Variants in TMEM272 observed in about 807,000 individuals in gnomAD.
The protein encoded by TMEM272 is transmembrane protein 272.
TMEM272 carries 8 observed loss-of-function variants against 3.7 expected under a neutral mutation model. The ratio of observed to expected loss-of-function variants is 2.17; its 90% confidence interval spans 1.27 to 3.91. TMEM272 has a LOEUF of 3.91. TMEM272 is among the 30% of genes most tolerant of loss of function. The probability of loss-of-function intolerance (pLI) is 0.00; values close to 1 mark genes in which losing one functional copy is unlikely to be tolerated. For synonymous variants in TMEM272, 63 were observed against 39.8 expected (o/e 1.58, Z -2.20); for missense variants, 166 against 91.5 (o/e 1.81, Z -3.32).
intron 2 of TMEM272, among the ~76,000 whole-genome samples, chr13:51,829,651 GA>G (rs1480887972): frequency 6.6e-6 from 1 of 152,194 alleles, no homozygotes; most frequent in Non-Finnish European, 1.5e-5. Context: ...TCGGCATCCT[GA>G]AAAATCCTTC....
At chr13:51,893,718 C>A in the TMEM272 span, among the ~76,000 whole-genome samples, 1 of 152,098 alleles carries the variant, frequency 6.6e-6, no homozygotes, top group South Asian at 2.1e-4. Context: ...GGAGGCCACA[C>A]AGTTGCTTCT....
At chr13:51,917,959 T>C in the TMEM272 span, among the ~76,000 whole-genome samples, 2 of 152,208 alleles carry the variant, frequency 1.3e-5, no homozygotes, top group Admixed American at 1.3e-4. Context: ...TTCATCCCAG[T>C]GTCCTCTCAT....
At chr13:51,931,746 G>C in the TMEM272 span, among the ~76,000 whole-genome samples, 3 of 152,116 alleles carry the variant, frequency 2.0e-5, no homozygotes, top group South Asian at 4.2e-4. Context: ...TGAAATTTCT[G>C]TACCCAGGCA....
chr13:51,898,764 T>A, the TMEM272 span, among the ~76,000 whole-genome samples: 1 of 151,840 alleles, frequency 6.6e-6, no homozygotes, highest in Admixed American at 6.6e-5. Flanking sequence ...TTGGGTCCTT[T>A]AAATGTGTTC....
At chr13:51,893,716 C>A in the TMEM272 span, among the ~76,000 whole-genome samples, 1 of 152,070 alleles carries the variant, frequency 6.6e-6, no homozygotes, top group African/African-American at 2.4e-5. Context: ...GAGGAGGCCA[C>A]ACAGTTGCTT....
chr13:51,901,555 C>T, the TMEM272 span, among the ~76,000 whole-genome samples: 1 of 151,700 alleles, frequency 6.6e-6, no homozygotes, highest in East Asian at 1.9e-4. Flanking sequence ...CACAGAAATA[C>T]ATCAGTTGAC....
the TMEM272 span, among the ~76,000 whole-genome samples, chr13:51,878,720 T>C: frequency 2.6e-5 from 4 of 152,136 alleles, no homozygotes; most frequent in Admixed American, 2.6e-4. Context: ...GCCAGAGAGA[T>C]TTTTCTACAC....
At chr13:51,899,489 A>G in the TMEM272 span, among the ~76,000 whole-genome samples, 4 of 152,248 alleles carry the variant, frequency 2.6e-5, no homozygotes, top group African/African-American at 9.6e-5. Flanking sequence ...GATATCATGA[A>G]AGAAATTAAA....
intron 2 of TMEM272, among the ~76,000 whole-genome samples, chr13:51,827,578 CAG>C (rs138685614): frequency 0.012 from 1,834 of 152,286 alleles, 45 homozygotes; most frequent in African/African-American, 0.042. Flanking sequence ...TTCCCACTGT[CAG>C]AGTCTTGACA....
At chr13:51,860,830 T>TGTGTGTGC in the TMEM272 span, among the ~76,000 whole-genome samples, 1 of 149,776 alleles carries the variant, frequency 6.7e-6, no homozygotes, top group Admixed American at 6.7e-5. Context: ...TGTGTGTGTG[T>TGTGTGTGC]GTGTGTGTGT....
chr13:51,826,544 A>G, intron 3 of TMEM272, 22 bp downstream of exon 3: 1 of 702,610 alleles, frequency 1.4e-6, no homozygotes, highest in Non-Finnish European at 2.6e-6. Context: ...TGTGGCGTCC[A>G]GCAGCTCGGA....
chr13:51,897,362 A>AT, the TMEM272 span, among the ~76,000 whole-genome samples: 1,976 of 82,164 alleles, frequency 0.024, 219 homozygotes, highest in African/African-American at 0.036. Context: ...TGTCTGGCTA[A>AT]TTTTTTTTTT....
At chr13:51,910,617 TC>T in the TMEM272 span, 2 of 581,662 alleles carry the variant, frequency 3.4e-6, no homozygotes, top group Non-Finnish European at 3.3e-6. Flanking sequence ...CCTAGGCTCC[TC>T]CATAGTGCCA....
intron 3 of TMEM272, among the ~76,000 whole-genome samples, chr13:51,824,885 A>T (rs377476783): frequency 6.6e-6 from 1 of 152,334 alleles, no homozygotes; most frequent in African/African-American, 2.4e-5. Flanking sequence ...CCGGGTAGGC[A>T]GAGGGTGCGG....
chr13:51,933,772 G>GA, the TMEM272 span: 1 of 152,234 alleles, frequency 6.6e-6, no homozygotes, highest in South Asian at 2.1e-4. Flanking sequence ...TCAGAAGACT[G>GA]AAAACGAAGC....
the TMEM272 span, among the ~76,000 whole-genome samples, chr13:51,913,434 G>A: frequency 6.6e-6 from 1 of 152,236 alleles, no homozygotes; most frequent in Non-Finnish European, 1.5e-5. Flanking sequence ...TGGAATGACT[G>A]TAATTATATT....
chr13:51,880,637 A>G, the TMEM272 span, among the ~76,000 whole-genome samples: 1 of 152,262 alleles, frequency 6.6e-6, no homozygotes, highest in Non-Finnish European at 1.5e-5. Flanking sequence ...TTGACAAAAT[A>G]AACATATGCT....
chr13:51,857,593 G>C, the TMEM272 span, among the ~76,000 whole-genome samples: 6 of 151,848 alleles, frequency 4.0e-5, no homozygotes, highest in African/African-American at 1.5e-4. Flanking sequence ...AACAACTCAA[G>C]GATGCCTATT....
chr13:51,814,716 G>A lies in TMEM272; in HGVS notation c.*2035C>T, dbSNP rs775583813. 4 of 152,220 alleles carry A rather than the reference G, an allele frequency of 2.6e-5. No homozygotes were observed. The highest frequency in any genetic ancestry group is 1.5e-5 in the Non-Finnish European group (1 of 68,062). 9.4% of individuals were successfully genotyped at this position (152,220 alleles called of 1,614,324 possible). A position where few individuals can be genotyped will look rare whatever the true frequency, so the allele number is the denominator to read the frequency against. ...GGGCTGGTGGGGTGCATATGAGAAT[G>A]AGCACACTTCATCCACCACTCCCTC... On this transcript the variant is annotated 3_prime_UTR_variant, in exon 5 of 5. Coordinates refer to ENST00000629372, the MANE Select transcript of TMEM272 (RefSeq NM_001351003.2).
Sources: allele counts gnomAD v4.1 joint callset (sites outside exome capture counted in the v4.1 genomes callset), GRCh38; gene constraint gnomAD v4.1.1; transcripts MANE v1.5; gene names NCBI Gene and HGNC (gene_info 2026-07-23, HGNC 2026-07-21).